Variants in RAB3IP observed in about 807,000 individuals in gnomAD.
The protein encoded by RAB3IP is rab-3A-interacting protein.
RAB3IP carries 36 observed loss-of-function variants against 59.1 expected under a neutral mutation model. The ratio of observed to expected loss-of-function variants is 0.61; its 90% CI spans 0.47 to 0.80. The LOEUF is 0.80. Among genes scored for constraint, RAB3IP ranks in the 30% least tolerant of loss-of-function variants. RAB3IP has a pLI of 0.00. For missense variants in RAB3IP, 511 were observed against 536.0 expected, an observed-to-expected ratio of 0.95 and a Z score of 0.46; for synonymous variants, 207 against 191.2, an observed-to-expected ratio of 1.08 and a Z score of -0.68.
rs1025325637 is a variant in RAB3IP at position 69,811,817 on chromosome 12, A to C, written c.1131-961A>C. 2.6e-5 allele frequency among the ~76,000 whole-genome samples: 4 copies of C among 152,188 alleles called. No homozygotes were observed. The East Asian group carries it at 7.7e-4, about 29-fold the overall frequency. ...CATTGTTGTGTGTTTTCTTAATACAAAGGCACTTTTGTATTATATTTCTTG... is the reference window on the plus strand; with the variant it reads ...CATTGTTGTGTGTTTTCTTAATACACAGGCACTTTTGTATTATATTTCTTG... On this transcript the variant is annotated intron_variant, in intron 8 of 10. Transcript: ENST00000247833.
intron 10 of RAB3IP, among the ~76,000 whole-genome samples, chr12:69,814,796 C>G (rs1485110263): frequency 6.6e-6 from 1 of 152,132 alleles, no homozygotes; most frequent in African/African-American, 2.4e-5. Context: ...TTTCCACTTA[C>G]AGTGGGAACT....
At chr12:69,803,769 A>G (rs2136255023) in intron 8 of RAB3IP, among the ~76,000 whole-genome samples, 1 of 151,878 alleles carries the variant, frequency 6.6e-6, no homozygotes, top group Non-Finnish European at 1.5e-5. Flanking sequence ...TGTCCTTGCG[A>G]TAGTTTGCTG....
chr12:69,770,303 CG>C (rs1288743536), intron 3 of RAB3IP, among the ~76,000 whole-genome samples: 2 of 152,080 alleles, frequency 1.3e-5, no homozygotes, highest in Non-Finnish European at 2.9e-5. Context: ...CCCACCCTGC[CG>C]GGGATTCCAA....
intron 4 of RAB3IP, among the ~76,000 whole-genome samples, chr12:69,785,887 G>A (rs1199799650): frequency 1.3e-5 from 2 of 152,154 alleles, no homozygotes; most frequent in Non-Finnish European, 2.9e-5. Context: ...TGAGGTGAGG[G>A]TAGTACTTCC....
rs940850605 is a variant in RAB3IP, at chr12:69,818,142, C to T, written c.*2696C>T. On this transcript the variant is annotated 3_prime_UTR_variant, in exon 11 of 11. Coordinates refer to ENST00000247833, the MANE Select transcript of RAB3IP (RefSeq NM_022456.5). Reference sequence around the variant, plus strand: ...ATGGGGGTATCAATTGGTATATCCACTGTGAAAAACCATTCACTAGAAAAG... The same window carrying T: ...ATGGGGGTATCAATTGGTATATCCATTGTGAAAAACCATTCACTAGAAAAG... 1 of 152,224 alleles carries T rather than the reference C, an allele frequency of 6.6e-6. No individual in the cohort carries two copies. The allele number at this position is 152,224 out of a possible 1,614,324, so 9.4% of individuals were successfully genotyped here.
At chr12:69,739,616 A>G (rs1887070282) in intron 1 of RAB3IP, 2 of 594,158 alleles carry the variant, frequency 3.4e-6, no homozygotes, top group South Asian at 4.0e-5. Context: ...GTTTCGGTGA[A>G]ACCTGGTGGG....
intron 1 of RAB3IP, among the ~76,000 whole-genome samples, chr12:69,744,113 C>G (rs1343786294): frequency 1.3e-5 from 2 of 151,900 alleles, no homozygotes; most frequent in Non-Finnish European, 2.9e-5. Flanking sequence ...TTAGGTATTT[C>G]TCCTAATGCT....
In RAB3IP at chr12:69,818,414, A is replaced by T. The variant is rs1349761602; in HGVS notation, c.*2968A>T. 1 of 151,660 alleles carries T rather than the reference A, an allele frequency of 6.6e-6. No homozygotes were observed. Among genetic ancestry groups the T allele is most frequent in the African/African-American group, 2.4e-5 (1 of 41,216 alleles). The allele number at this position is 151,660 out of a possible 1,614,324, so 9.4% of individuals were successfully genotyped here. A position where few individuals can be genotyped will look rare whatever the true frequency, so the allele number is the denominator to read the frequency against. Reference sequence around the variant, plus strand: ...CAGTGAATCATGATTGTGCCACTGCACTCTTACCTTGGGTGACAGAGTAAG... The same window carrying T: ...CAGTGAATCATGATTGTGCCACTGCTCTCTTACCTTGGGTGACAGAGTAAG... On this transcript the variant is annotated 3_prime_UTR_variant, in exon 11 of 11. Coordinates refer to ENST00000247833, the MANE Select transcript of RAB3IP (RefSeq NM_022456.5).
At chr12:69,796,602 A>G in intron 6 of RAB3IP, 1 of 616,496 alleles carries the variant, frequency 1.6e-6, no homozygotes, top group Non-Finnish European at 2.9e-6. Flanking sequence ...ACCTGTTTTA[A>G]TTGAATTGCA....
chr12:69,766,365 T>C (rs1053213567), intron 3 of RAB3IP, among the ~76,000 whole-genome samples: 1 of 152,180 alleles, frequency 6.6e-6, no homozygotes, highest in Non-Finnish European at 1.5e-5. Flanking sequence ...TTATTTTCTC[T>C]TTATTTTTGT....
chr12:69,805,436 C>A (rs1313693744), intron 8 of RAB3IP, among the ~76,000 whole-genome samples: 1 of 152,218 alleles, frequency 6.6e-6, no homozygotes, highest in East Asian at 1.9e-4. Flanking sequence ...ATCATGTCAT[C>A]TGCAAATTGG....
chr12:69,806,570 G>GTTTTTTTTTTTTTTTTTTTT (rs35262716), intron 8 of RAB3IP, among the ~76,000 whole-genome samples: 1 of 68,488 alleles, frequency 1.5e-5, no homozygotes, highest in Non-Finnish European at 2.7e-5. Context: ...TGCTTCTCTA[G>GTTTTTTTTTTTTTTTTTTTT]TTTTTTTTTT....
chr12:69,749,484 C>T (rs914511428), intron 1 of RAB3IP, among the ~76,000 whole-genome samples: 1 of 152,184 alleles, frequency 6.6e-6, no homozygotes, highest in Admixed American at 6.5e-5. Context: ...AAAACCAAGA[C>T]ACAGATTTCC....
At chr12:69,789,101 T>A (rs558481177) in intron 4 of RAB3IP, among the ~76,000 whole-genome samples, 1 of 151,904 alleles carries the variant, frequency 6.6e-6, no homozygotes, top group South Asian at 2.1e-4. Flanking sequence ...TCAACCTAAC[T>A]TTATACCTCA....
chr12:69,810,342 G>T (rs904475897), intron 8 of RAB3IP, among the ~76,000 whole-genome samples: 4 of 152,282 alleles, frequency 2.6e-5, no homozygotes. Flanking sequence ...CTACTCGGGG[G>T]TCAGGGAGCC....
chr12:69,739,790 C>A, intron 1 of RAB3IP: 1 of 1,608,660 alleles, frequency 6.2e-7, no homozygotes, highest in Non-Finnish European at 8.5e-7. Flanking sequence ...AGCTTACTGG[C>A]TCCAGAAGTG....
At chr12:69,814,029 A>G (rs1565936473) in intron 10 of RAB3IP, among the ~76,000 whole-genome samples, 1 of 152,200 alleles carries the variant, frequency 6.6e-6, no homozygotes, top group African/African-American at 2.4e-5. Flanking sequence ...TAACCTAATT[A>G]ATGTTGAATT....
At chr12:69,794,188 G>T (rs1331319649) in intron 4 of RAB3IP, among the ~76,000 whole-genome samples, 3 of 152,166 alleles carry the variant, frequency 2.0e-5, no homozygotes, top group Non-Finnish European at 4.4e-5. Context: ...CCTTACGCAA[G>T]TATCTATCCG....
At position 69,755,512 on chromosome 12, in the gene RAB3IP, C is replaced by T. The variant is rs1448321312; in HGVS notation, c.104C>T (p.Thr35Ile). Residue 35 changes from threonine to isoleucine, a missense_variant, in exon 2 of 11, where the codon ACC (threonine) becomes ATC (isoleucine). Transcript: ENST00000247833. ...VYESGTQEQT[T>I]SPSVIYRPHP... ...GAATCAGGAACTCAAGAGCAGACTA[C>T]CTCACCAAGTGTCATCTACCGGCCA... 1.2e-6 allele frequency: 2 copies of T among 1,614,002 alleles called. No individual in the cohort carries two copies. Among genetic ancestry groups the T allele is most frequent in the Middle Eastern group, 1.6e-4 (1 of 6,082 alleles).
Sources: allele counts gnomAD v4.1 joint callset (sites outside exome capture counted in the v4.1 genomes callset), GRCh38; gene constraint gnomAD v4.1.1; transcripts MANE v1.5; gene names NCBI Gene and HGNC (gene_info 2026-07-23, HGNC 2026-07-21).